Variants in BMPER observed in about 807,000 individuals in gnomAD.
BMPER encodes the protein BMP-binding endothelial regulator protein.
A neutral mutation model predicts 87.3 loss-of-function variants in BMPER; 45 were observed. The observed-to-expected ratio is 0.52, with a 90% CI of 0.41 to 0.66. BMPER has a LOEUF of 0.66. Ranked by LOEUF, BMPER falls within the 30% of genes least tolerant of loss-of-function variation. The pLI, the probability that BMPER is intolerant of heterozygous loss-of-function variation, is 0.00. For missense variants in BMPER, 784 were observed against 867.5 expected, an observed-to-expected ratio of 0.90 and a Z score of 1.21; for synonymous variants, 326 against 316.2, an observed-to-expected ratio of 1.03 and a Z score of -0.33.
Position 34,154,236 on chromosome 7 carries a change from A to T in BMPER, c.*963A>T, listed in dbSNP as rs1791257302. ...GTTATTTCTAGAGGAGTCCCATCCA[A>T]CACTATTTGGCGACTGTTAATATGT... On this transcript the variant is annotated 3_prime_UTR_variant, in exon 15 of 15. Coordinates refer to ENST00000649409, the MANE Select transcript of BMPER (RefSeq NM_001365308.1). 1 of 152,494 alleles carries T rather than the reference A, an allele frequency of 6.6e-6. No homozygotes were observed. The highest frequency in any genetic ancestry group is 2.1e-4 in the South Asian group (1 of 4,830). The allele number at this position is 152,494 out of a possible 1,614,324, so 9.4% of individuals were successfully genotyped here. A position where few individuals can be genotyped will look rare whatever the true frequency, so the allele number is the denominator to read the frequency against.
intron 5 of BMPER, among the ~76,000 whole-genome samples, chr7:33,973,417 C>A (rs1387487404): frequency 6.6e-6 from 1 of 152,220 alleles, no homozygotes; most frequent in Non-Finnish European, 1.5e-5. Flanking sequence ...AAGTCAGTAG[C>A]ATACAGATCT....
chr7:34,023,510 C>G (rs1787254689), intron 6 of BMPER, among the ~76,000 whole-genome samples: 1 of 152,076 alleles, frequency 6.6e-6, no homozygotes, highest in South Asian at 2.1e-4. Flanking sequence ...GTCCTGTTCT[C>G]TGTCTCTCTC....
At chr7:34,146,022 T>TTC (rs1242079056) in intron 14 of BMPER, among the ~76,000 whole-genome samples, 3 of 151,764 alleles carry the variant, frequency 2.0e-5, no homozygotes, top group South Asian at 4.2e-4. Flanking sequence ...GACACACACA[T>TTC]TCTCTCTCTC....
intron 3 of BMPER, among the ~76,000 whole-genome samples, chr7:33,957,305 A>G (rs2128615078): frequency 6.6e-6 from 1 of 151,372 alleles, no homozygotes; most frequent in South Asian, 2.1e-4. Context: ...ACATGCAACA[A>G]CTTGGTTGGA....
intron 3 of BMPER, among the ~76,000 whole-genome samples, chr7:33,939,006 C>T (rs182314609): frequency 1.4e-4 from 22 of 152,116 alleles, no homozygotes; most frequent in Middle Eastern, 3.4e-3. Flanking sequence ...GCCTGGGTGA[C>T]GGAGAAAGAC....
intron 13 of BMPER, among the ~76,000 whole-genome samples, chr7:34,137,451 A>G (rs951880703): frequency 2.6e-5 from 4 of 152,252 alleles, no homozygotes; most frequent in Admixed American, 6.5e-5. Flanking sequence ...CACTCTTTGA[A>G]TGATTCACTG....
At chr7:34,064,701 G>A (rs1054296666) in intron 11 of BMPER, among the ~76,000 whole-genome samples, 1 of 152,178 alleles carries the variant, frequency 6.6e-6, no homozygotes, top group Non-Finnish European at 1.5e-5. Context: ...CCAGGCATGT[G>A]GTTCTCTGTC....
intron 12 of BMPER, among the ~76,000 whole-genome samples, chr7:34,082,527 G>C (rs1167906500): frequency 6.6e-6 from 1 of 151,952 alleles, no homozygotes; most frequent in Non-Finnish European, 1.5e-5. Context: ...ATGTAATAAT[G>C]GCAAGGAGAA....
At chr7:33,944,857 C>T (rs1250259892) in intron 3 of BMPER, among the ~76,000 whole-genome samples, 4 of 152,168 alleles carry the variant, frequency 2.6e-5, no homozygotes, top group African/African-American at 9.7e-5. Context: ...TATGCTCATT[C>T]TTTATGGGTC....
intron 13 of BMPER, among the ~76,000 whole-genome samples, chr7:34,119,836 G>C (rs1394600035): frequency 6.6e-6 from 1 of 151,928 alleles, no homozygotes; most frequent in Middle Eastern, 3.2e-3. Flanking sequence ...GCTTTGCAAG[G>C]GGAATACCTA....
chr7:34,034,870 C>G (rs1585760078), intron 6 of BMPER, among the ~76,000 whole-genome samples: 1 of 152,250 alleles, frequency 6.6e-6, no homozygotes, highest in South Asian at 2.1e-4. Context: ...TTCATCTCTT[C>G]CTCCCTCAGG....
At chr7:34,055,644 G>T (rs1788266238) in intron 9 of BMPER, among the ~76,000 whole-genome samples, 1 of 152,156 alleles carries the variant, frequency 6.6e-6, no homozygotes, top group Admixed American at 6.5e-5. Flanking sequence ...GATGATCCTT[G>T]TCAAGATCCT....
intron 6 of BMPER, among the ~76,000 whole-genome samples, chr7:34,041,931 C>A (rs142519679): frequency 6.8e-4 from 103 of 152,272 alleles, no homozygotes; most frequent in African/African-American, 2.4e-3. Flanking sequence ...AGCTCTGCTC[C>A]TGTTTGGGAG....
At chr7:33,950,703 C>T (rs1784997234) in intron 3 of BMPER, among the ~76,000 whole-genome samples, 1 of 152,148 alleles carries the variant, frequency 6.6e-6, no homozygotes, top group Admixed American at 6.5e-5. Context: ...AATTTCTGGT[C>T]ACAGCCTAAT....
At chr7:34,004,819 A>G (rs1025428057) in intron 6 of BMPER, among the ~76,000 whole-genome samples, 13 of 152,044 alleles carry the variant, frequency 8.6e-5, no homozygotes, top group Admixed American at 6.6e-5. Flanking sequence ...CTTATCCTTC[A>G]CTTTCGGATT....
At chr7:33,941,920 A>T (rs115402442) in intron 3 of BMPER, among the ~76,000 whole-genome samples, 1 of 152,168 alleles carries the variant, frequency 6.6e-6, no homozygotes, top group South Asian at 2.1e-4. Flanking sequence ...ATCTGCATTC[A>T]GAGGTAATAC....
At chr7:33,941,638 A>T (rs1034227534) in intron 3 of BMPER, among the ~76,000 whole-genome samples, 1 of 152,160 alleles carries the variant, frequency 6.6e-6, no homozygotes, top group Non-Finnish European at 1.5e-5. Flanking sequence ...TGTGCAGTTC[A>T]CAATAGGGTT....
At chr7:34,044,942 G>A (rs1389017181) in intron 6 of BMPER, among the ~76,000 whole-genome samples, 2 of 152,168 alleles carry the variant, frequency 1.3e-5, no homozygotes, top group Non-Finnish European at 2.9e-5. Context: ...ACAGGCCCCT[G>A]GTGGCTGAGG....
chr7:33,957,529 G>A (rs1051651856), intron 3 of BMPER, among the ~76,000 whole-genome samples: 6 of 151,976 alleles, frequency 3.9e-5, no homozygotes, highest in African/African-American at 1.2e-4. Context: ...TGTATGTTAC[G>A]TGGTTACAAG....
Sources: allele counts gnomAD v4.1 joint callset (sites outside exome capture counted in the v4.1 genomes callset), GRCh38; gene constraint gnomAD v4.1.1; transcripts MANE v1.5; gene names NCBI Gene and HGNC (gene_info 2026-07-23, HGNC 2026-07-21).